Variants in KIFAP3 observed in about 807,000 individuals in gnomAD.
KIFAP3 encodes kinesin associated protein 3.
A neutral mutation model predicts 106.5 loss-of-function variants in KIFAP3; 68 were observed. That is an observed-to-expected ratio of 0.64 (90% CI 0.53 to 0.78). KIFAP3 has a LOEUF of 0.78. KIFAP3 is among the 30% of genes least tolerant of loss of function. The probability of loss-of-function intolerance (pLI) is 0.00; values close to 1 mark genes in which losing one functional copy is unlikely to be tolerated. For missense variants in KIFAP3, 780 were observed against 941.8 expected, an observed-to-expected ratio of 0.83 and a Z score of 2.25; for synonymous variants, 320 against 311.5, an observed-to-expected ratio of 1.03 and a Z score of -0.29.
At chr1:170,021,357 G>GA (rs1054243628) in intron 9 of KIFAP3, among the ~76,000 whole-genome samples, 2 of 144,480 alleles carry the variant, frequency 1.4e-5, no homozygotes, top group Non-Finnish European at 3.0e-5. Flanking sequence ...TTTCCTTTTG[G>GA]AAAAAAAACA....
intron 19 of KIFAP3, 107 bp downstream of exon 19, chr1:169,953,904 T>C (rs1664868851): frequency 3.9e-6 from 3 of 772,264 alleles, no homozygotes; most frequent in Middle Eastern, 2.4e-4. Flanking sequence ...TTGAGGGTTT[T>C]TTCCCCCCTC....
chr1:170,065,520 A>C (rs1671395308), intron 1 of KIFAP3, among the ~76,000 whole-genome samples: 1 of 148,338 alleles, frequency 6.7e-6, no homozygotes, highest in South Asian at 2.2e-4. Context: ...AGGCTGAGGC[A>C]GGAGAATGGC....
intron 1 of KIFAP3, among the ~76,000 whole-genome samples, chr1:170,063,917 T>G (rs923845143): frequency 1.1e-4 from 16 of 152,222 alleles, no homozygotes; most frequent in African/African-American, 3.1e-4. Flanking sequence ...ACTTTTAAGA[T>G]TTAATTTTCT....
chr1:169,932,327 T>C (rs1400707167), intron 19 of KIFAP3, among the ~76,000 whole-genome samples: 1 of 152,110 alleles, frequency 6.6e-6, no homozygotes, highest in Non-Finnish European at 1.5e-5. Flanking sequence ...AAACTAAACA[T>C]GCTGTAAAGT....
rs1162872009 is a variant in KIFAP3 at position 170,035,791 on chromosome 1, TTAGA to T, written c.518-242_518-239del. Among the ~76,000 whole-genome samples the T allele has an allele frequency of 4.6e-5, 7 of 152,180 alleles. No homozygotes were observed. In the South Asian group the frequency reaches 8.3e-4, roughly 18 times the overall value. On this transcript the variant is annotated intron_variant, in intron 5 of 19. Transcript: ENST00000361580. ...ATACACAGAAGTAATCAAATATGAT[TTAGA>T]TAAAGTGACATATGTTATGGTGACA...
At chr1:170,076,564 C>G (rs1248736937), upstream of KIFAP3, among the ~76,000 whole-genome samples, 1 of 152,140 alleles carries the variant, frequency 6.6e-6, no homozygotes, top group Non-Finnish European at 1.5e-5. Flanking sequence ...AAGAACCCCA[C>G]TTCCACTGGA....
intron 10 of KIFAP3, among the ~76,000 whole-genome samples, chr1:169,999,886 A>G (rs2101956422): frequency 6.6e-6 from 1 of 152,248 alleles, no homozygotes; most frequent in African/African-American, 2.4e-5. Context: ...TATAAGAAAC[A>G]TTGCATCTTT....
At chr1:169,948,833 A>G (rs938642297) in intron 19 of KIFAP3, among the ~76,000 whole-genome samples, 1 of 152,058 alleles carries the variant, frequency 6.6e-6, no homozygotes, top group Admixed American at 6.6e-5. Flanking sequence ...AAACAAACTC[A>G]TAATATACAG....
intron 5 of KIFAP3, among the ~76,000 whole-genome samples, chr1:170,036,988 C>T (rs1016584954): frequency 1.3e-5 from 2 of 152,132 alleles, no homozygotes; most frequent in Admixed American, 1.3e-4. Context: ...ATATATAAGA[C>T]AAATGTGCAA....
At chr1:170,066,179 C>A (rs953298953) in intron 1 of KIFAP3, among the ~76,000 whole-genome samples, 1 of 149,160 alleles carries the variant, frequency 6.7e-6, no homozygotes, top group Non-Finnish European at 1.5e-5. Context: ...GCCTACACCC[C>A]CCCCCCCATT....
chr1:169,929,692 T>C (rs375844210), intron 19 of KIFAP3, among the ~76,000 whole-genome samples: 10 of 152,156 alleles, frequency 6.6e-5, no homozygotes, highest in African/African-American at 2.4e-4. Context: ...TTTCCTTTTA[T>C]TACAATAAAA....
intron 3 of KIFAP3, 75 bp from the exon 4 acceptor site, chr1:170,039,363 G>T: frequency 1.3e-6 from 1 of 756,628 alleles, no homozygotes; most frequent in South Asian, 1.7e-5. Context: ...TTCAGCAGCT[G>T]AGTTTAACTC....
At chr1:170,076,177 G>T (rs1403179668), upstream of KIFAP3, among the ~76,000 whole-genome samples, 1 of 151,992 alleles carries the variant, frequency 6.6e-6, no homozygotes, top group East Asian at 1.9e-4. Context: ...AAAAATTTTG[G>T]TGTTGAAAAA....
At chr1:169,985,578 T>C (rs564391152) in intron 11 of KIFAP3, among the ~76,000 whole-genome samples, 47 of 151,822 alleles carry the variant, frequency 3.1e-4, no homozygotes, top group Non-Finnish European at 5.3e-4. Context: ...TTTAGATATG[T>C]TGAGTTTAAG....
intron 19 of KIFAP3, among the ~76,000 whole-genome samples, chr1:169,950,842 T>C (rs932701469): frequency 2.0e-5 from 3 of 152,012 alleles, no homozygotes. Flanking sequence ...AATGTAGCCA[T>C]AGTTTAAAAT....
intron 8 of KIFAP3, among the ~76,000 whole-genome samples, chr1:170,028,727 G>A (rs766463958): frequency 5.9e-5 from 9 of 152,126 alleles, no homozygotes; most frequent in Non-Finnish European, 1.2e-4. Flanking sequence ...GCAACACTAA[G>A]CATGAAATGG....
At chr1:170,082,361 G>T (rs1672033318) in intron 1 of KIFAP3, among the ~76,000 whole-genome samples, 1 of 152,094 alleles carries the variant, frequency 6.6e-6, no homozygotes, top group Non-Finnish European at 1.5e-5. Context: ...CTCTTGAATA[G>T]AAAAAAAGCA....
chr1:169,981,895 C>A, intron 15 of KIFAP3, 77 bp downstream of exon 15: 1 of 1,196,608 alleles, frequency 8.4e-7, no homozygotes, highest in East Asian at 2.6e-5. Context: ...AGATTACAGA[C>A]TCTGCATTTT....
intron 3 of KIFAP3, among the ~76,000 whole-genome samples, chr1:170,040,392 G>C (rs1669907976): frequency 6.6e-6 from 1 of 152,072 alleles, no homozygotes; most frequent in African/African-American, 2.4e-5. Context: ...TACCTGGGTA[G>C]AGAAAATATT....
Sources: gnomAD v4.1 joint callset for allele counts (sites outside exome capture counted in the v4.1 genomes callset) on GRCh38, gnomAD v4.1.1 for gene constraint, MANE v1.5 for transcripts, NCBI Gene and HGNC (gene_info 2026-07-23, HGNC 2026-07-21) for gene names.